SRGAP3: variants seen among roughly 807,000 people sequenced by gnomAD.
SRGAP3 encodes SLIT-ROBO Rho GTPase activating protein 3.
A neutral mutation model predicts 121.1 loss-of-function variants in SRGAP3; 39 were observed. That is an observed-to-expected ratio of 0.32 (90% CI 0.25 to 0.42). The LOEUF is 0.42. Ranked by LOEUF, SRGAP3 falls within the 10% of genes least tolerant of loss-of-function variation. SRGAP3 has a pLI of 1.00. For synonymous variants in SRGAP3, 601 were observed against 570.0 expected (o/e 1.05, Z -0.77); for missense variants, 1,213 against 1,470.6 (o/e 0.82, Z 2.86).
In SRGAP3 at chr3:8,984,702, G is replaced by C. The variant is rs145215906; in HGVS notation, c.*817C>G. On this transcript the variant is annotated 3_prime_UTR_variant, in exon 22 of 22. Transcript: ENST00000383836. ...GGAGTACAGTTGGCCTTTGGCCTCC[G>C]GGTGGAAGGGCAGGGTCTCTGGGGT... is the stretch of plus-strand genomic sequence containing the variant. The C allele has an allele frequency of 1.3e-5, 3 of 232,440 alleles. No individual in the cohort carries two copies. The Admixed American group carries it at 1.7e-4, about 13-fold the overall frequency. The allele number at this position is 232,440 out of a possible 1,614,324, so 14.4% of individuals were successfully genotyped here.
In SRGAP3 at chr3:8,984,194, G is replaced by A. The variant is rs993114182; in HGVS notation, c.*1325C>T. 3 of 230,652 alleles carry A rather than the reference G, an allele frequency of 1.3e-5. No homozygotes were observed. The highest frequency in any genetic ancestry group is 6.6e-5 in the African/African-American group (3 of 45,172). 14.3% of individuals were successfully genotyped at this position (230,652 alleles called of 1,614,324 possible). A position where few individuals can be genotyped will look rare whatever the true frequency, so the allele number is the denominator to read the frequency against. On this transcript the variant is annotated 3_prime_UTR_variant, in exon 22 of 22. Transcript: ENST00000383836. ...GTTCTGGAGGGAGTGGGTGAAGGGG[G>A]AGGGAAGGGAAGCTATGTCACTTGT... is the stretch of plus-strand genomic sequence containing the variant.
chr3:8,986,508 C>T (rs973056355), intron 21 of SRGAP3, among the ~76,000 whole-genome samples: 2 of 152,328 alleles, frequency 1.3e-5, no homozygotes, highest in African/African-American at 2.4e-5. Context: ...CCTTTATGCT[C>T]ATGTCACACA....
At position 9,016,008 on chromosome 3, in the gene SRGAP3, C is replaced by T. The variant is rs1166306499; in HGVS notation, c.1679-277G>A. 2.3e-5 allele frequency: 11 copies of T among 478,164 alleles called. No individual in the cohort carries two copies. In the Admixed American group the frequency reaches 3.4e-4, roughly 15 times the overall value. The allele number at this position is 478,164 out of a possible 1,614,324, so 29.6% of individuals were successfully genotyped here. On this transcript the variant is annotated intron_variant, in intron 14 of 21. Coordinates refer to ENST00000383836, the MANE Select transcript of SRGAP3 (RefSeq NM_014850.4). ...ATCTTGCCACATTTGATTTCTCGCT[C>T]TTTCTGTATTTATATTTATTGTTGC... is the stretch of plus-strand genomic sequence containing the variant.
chr3:9,083,687 C>T (rs563277460), intron 3 of SRGAP3, among the ~76,000 whole-genome samples: 16 of 152,340 alleles, frequency 1.1e-4, no homozygotes, highest in Non-Finnish European at 2.1e-4. Context: ...TGTGAACATC[C>T]TTGTGTGCTG....
intron 3 of SRGAP3, among the ~76,000 whole-genome samples, chr3:9,322,779 T>C (rs570880341): frequency 1.3e-5 from 2 of 151,816 alleles, no homozygotes; most frequent in South Asian, 4.2e-4. Context: ...GCCATCTTAA[T>C]AGATTAAAAC....
At chr3:9,335,882 G>C (rs1484592115) in intron 1 of SRGAP3, among the ~76,000 whole-genome samples, 1 of 151,870 alleles carries the variant, frequency 6.6e-6, no homozygotes, top group Non-Finnish European at 1.5e-5. Flanking sequence ...ATTTTTTTTA[G>C]TCAGTCTCTT....
At chr3:9,112,502 TG>T (rs1488506377) in intron 2 of SRGAP3, among the ~76,000 whole-genome samples, 1 of 152,218 alleles carries the variant, frequency 6.6e-6, no homozygotes, top group African/African-American at 2.4e-5. Flanking sequence ...TACAGTCTAG[TG>T]GGGGTCTCAG....
At chr3:9,258,015 A>G (rs1302838601) in intron 3 of SRGAP3, among the ~76,000 whole-genome samples, 4 of 152,162 alleles carry the variant, frequency 2.6e-5, no homozygotes, top group African/African-American at 7.2e-5. Context: ...AACAAAATAT[A>G]TCTTAAGCAC....
At chr3:9,275,920 C>T (rs1486881685) in intron 3 of SRGAP3, among the ~76,000 whole-genome samples, 1 of 152,056 alleles carries the variant, frequency 6.6e-6, no homozygotes, top group Non-Finnish European at 1.5e-5. Context: ...AGTTTCTCAG[C>T]CAGTCATGGT....
At chr3:9,280,805 T>C (rs578102649) in intron 3 of SRGAP3, among the ~76,000 whole-genome samples, 1 of 152,326 alleles carries the variant, frequency 6.6e-6, no homozygotes, top group East Asian at 1.9e-4. Flanking sequence ...AGCTAACTCT[T>C]TTTGCCTGTT....
At chr3:9,320,484 C>G (rs563835228) in intron 3 of SRGAP3, among the ~76,000 whole-genome samples, 2 of 151,634 alleles carry the variant, frequency 1.3e-5, no homozygotes, top group African/African-American at 2.4e-5. Flanking sequence ...TGCAGCACCT[C>G]CCCCACCTCT....
rs56313842 is a variant in SRGAP3, at chr3:9,310,642, A to C, written n.442+15368T>G. On this transcript the variant is annotated intron_variant and non_coding_transcript_variant, in intron 3 of 3. Coordinates refer to the SRGAP3 transcript ENST00000490889. ...AACTGCTATAACCAGTTGATACCTC[A>C]AGAAAAGAACCTGGAATCATCATGC... Among the ~76,000 whole-genome samples the C allele has an allele frequency of 6.1e-3, 925 of 152,316 alleles. 11 individuals carry two copies. Among genetic ancestry groups the C allele is most frequent in the African/African-American group, 0.021 (882 of 41,570 alleles).
intron 1 of SRGAP3, among the ~76,000 whole-genome samples, chr3:9,242,671 T>A (rs184975692): frequency 1.3e-5 from 2 of 152,272 alleles, no homozygotes; most frequent in East Asian, 3.9e-4. Flanking sequence ...AACACTGAGC[T>A]ATGAGTTATA....
At chr3:8,989,007 G>A (rs1574853339) in intron 21 of SRGAP3, among the ~76,000 whole-genome samples, 1 of 152,140 alleles carries the variant, frequency 6.6e-6, no homozygotes, top group African/African-American at 2.4e-5. Context: ...TGCTTTAAAG[G>A]TTTTATAAGT....
chr3:9,011,907 T>C (rs1046402682), intron 17 of SRGAP3, among the ~76,000 whole-genome samples: 1 of 152,242 alleles, frequency 6.6e-6, no homozygotes, highest in African/African-American at 2.4e-5. Context: ...TATTGTATAT[T>C]GTTCTTTGAT....
chr3:9,346,906 C>T (rs1955901617), intron 1 of SRGAP3, among the ~76,000 whole-genome samples: 2 of 151,954 alleles, frequency 1.3e-5, no homozygotes, highest in South Asian at 4.1e-4. Flanking sequence ...CAGGCGCCTG[C>T]CACCACACCT....
At chr3:9,114,617 G>C (rs1451390583) in intron 2 of SRGAP3, among the ~76,000 whole-genome samples, 5 of 152,168 alleles carry the variant, frequency 3.3e-5, no homozygotes, top group African/African-American at 9.7e-5. Flanking sequence ...CAGCACCTCT[G>C]AGCTCCCCTT....
intron 11 of SRGAP3, chr3:9,035,080 C>G (rs1210186098): frequency 6.6e-6 from 1 of 151,900 alleles, no homozygotes; most frequent in African/African-American, 2.4e-5. Flanking sequence ...GTGATTGAGG[C>G]TGGTGGTAAA....
At chr3:9,245,312 C>T (rs1033575391) in intron 1 of SRGAP3, among the ~76,000 whole-genome samples, 1 of 152,180 alleles carries the variant, frequency 6.6e-6, no homozygotes, top group Non-Finnish European at 1.5e-5. Flanking sequence ...ACTGCCTGCA[C>T]TGAGGTGGTA....
Sources: gnomAD v4.1 joint callset for allele counts (sites outside exome capture counted in the v4.1 genomes callset) on GRCh38, gnomAD v4.1.1 for gene constraint, MANE v1.5 for transcripts, NCBI Gene and HGNC (gene_info 2026-07-23, HGNC 2026-07-21) for gene names.